SDK1: variants seen among roughly 807,000 people sequenced by gnomAD.
SDK1 encodes sidekick cell adhesion molecule 1, also known as protein sidekick-1.
Under a neutral mutation model 245.5 loss-of-function variants are expected in SDK1, and 157 were observed. The observed-to-expected ratio is 0.64, with a 90% CI of 0.56 to 0.73. The LOEUF is 0.73. Among genes scored for constraint, SDK1 ranks in the 30% least tolerant of loss-of-function variants. The pLI is 0.00. For missense variants in SDK1, 3,583 were observed against 3,002.3 expected (o/e 1.19, Z -4.52); for synonymous variants, 1,647 against 1,278.5 (o/e 1.29, Z -6.15).
At chr7:3,359,518 CT>C (rs1780896174) in intron 1 of SDK1, among the ~76,000 whole-genome samples, 2 of 152,004 alleles carry the variant, frequency 1.3e-5, no homozygotes, top group African/African-American at 4.8e-5. Context: ...TTTTGATTGT[CT>C]ATTTTTGCTT....
chr7:3,661,742 T>C (rs1009319208), intron 4 of SDK1, among the ~76,000 whole-genome samples: 2 of 152,198 alleles, frequency 1.3e-5, no homozygotes, highest in Non-Finnish European at 2.9e-5. Context: ...GAATGTAAAC[T>C]CGGAAACCAG....
At chr7:3,799,264 T>G (rs1025630415) in intron 4 of SDK1, among the ~76,000 whole-genome samples, 2 of 152,186 alleles carry the variant, frequency 1.3e-5, no homozygotes, top group Admixed American at 1.3e-4. Flanking sequence ...CAACTGAATC[T>G]GGAAAGAAAT....
At chr7:3,821,400 G>A (rs372032373) in intron 4 of SDK1, 50 bp from the exon 5 acceptor site, 17 of 1,570,120 alleles carry the variant, frequency 1.1e-5, no homozygotes, top group Non-Finnish European at 1.5e-5. Context: ...CTTACAAGTA[G>A]GAAGTTCCCT....
intron 22 of SDK1, among the ~76,000 whole-genome samples, chr7:4,106,307 CT>C (rs773537615): frequency 0.14 from 19,971 of 142,134 alleles, 2,188 homozygotes; most frequent in African/African-American, 0.32. Context: ...TTTTTTCTTT[CT>C]TTTTTTTTTT....
chr7:3,802,666 CA>C (rs796485844), intron 4 of SDK1, among the ~76,000 whole-genome samples: 88 of 152,254 alleles, frequency 5.8e-4, no homozygotes, highest in African/African-American at 2.1e-3. Context: ...TCCATCTGTA[CA>C]GTTTTCTCAT....
chr7:3,728,096 G>A (rs1283365209), intron 4 of SDK1, among the ~76,000 whole-genome samples: 2 of 152,186 alleles, frequency 1.3e-5, no homozygotes, highest in Non-Finnish European at 2.9e-5. Context: ...TGAGTTTGAG[G>A]AGGAAGACAG....
rs111962799 is a variant in SDK1 at position 4,187,906 on chromosome 7, T to G, written c.5098+9320T>G. Among the ~76,000 whole-genome samples, 193 of 152,290 alleles carry G rather than the reference T, an allele frequency of 1.3e-3. 1 individual carries two copies. The highest frequency in any genetic ancestry group is 4.2e-3 in the African/African-American group (174 of 41,568). On this transcript the variant is annotated intron_variant, in intron 35 of 44. Coordinates refer to ENST00000404826, the MANE Select transcript of SDK1 (RefSeq NM_152744.4). ...TAAAGACATAGCCAAGACTGGGTAA[T>G]TTATAAAGAAAAAGAGGTTGAACGG...
chr7:4,267,540 C>G lies in SDK1; in HGVS notation c.*2156C>G, dbSNP rs1405587173. 1 of 985,362 alleles carries G rather than the reference C, an allele frequency of 1.0e-6. No individual in the cohort carries two copies. The highest frequency in any genetic ancestry group is 1.2e-6 in the Non-Finnish European group (1 of 829,978). 61.0% of individuals were successfully genotyped at this position (985,362 alleles called of 1,614,324 possible). ...TGGGCGGGAAGCCAGGATGTGAGCACTGGAATTTCTTGGAAGAGAAGCGAT... is the reference window on the plus strand; with the variant it reads ...TGGGCGGGAAGCCAGGATGTGAGCAGTGGAATTTCTTGGAAGAGAAGCGAT... On this transcript the variant is annotated 3_prime_UTR_variant, in exon 45 of 45. Coordinates refer to ENST00000404826, the MANE Select transcript of SDK1 (RefSeq NM_152744.4).
Position 3,509,075 on chromosome 7 carries a change from TGTGTGTGTGC to T in SDK1, c.299-109995_299-109986del, listed in dbSNP as rs199655309. On this transcript the variant is annotated intron_variant, in intron 1 of 44. Coordinates refer to ENST00000404826, the MANE Select transcript of SDK1 (RefSeq NM_152744.4). Reference sequence around the variant, plus strand: ...CAGCCTAAGGAAGGTGGGGTGTGTGTGTGTGTGTGCGTGTGTGTGTGTGTATGTATGTACA... The same window carrying T: ...CAGCCTAAGGAAGGTGGGGTGTGTGTGTGTGTGTGTGTGTATGTATGTACA... Among the ~76,000 whole-genome samples the T allele has an allele frequency of 1.2e-3, 172 of 143,374 alleles. 1 individual carries two copies. Among genetic ancestry groups the T allele is most frequent in the African/African-American group, 4.2e-3 (161 of 38,038 alleles). 94.1% of individuals were successfully genotyped at this position (143,374 alleles called of 152,430 possible).
Position 4,010,946 on chromosome 7 carries a change from CG to C in SDK1, c.2132-19del. 1 of 1,613,424 alleles carries C rather than the reference CG, an allele frequency of 6.2e-7. No homozygotes were observed. The highest frequency in any genetic ancestry group is 8.5e-7 in the Non-Finnish European group (1 of 1,179,460). On this transcript the variant is annotated intron_variant, in intron 14 of 44. Transcript: ENST00000404826. ...CATGATAAGCCTGTGGGCTTGAATT[CG>C]TTTTCTTCATTCTTTCAGACTCTCC...
At chr7:4,258,427 A>G (rs556560928) in intron 44 of SDK1, among the ~76,000 whole-genome samples, 1 of 152,216 alleles carries the variant, frequency 6.6e-6, no homozygotes, top group Admixed American at 6.5e-5. Flanking sequence ...AATTCGTAGC[A>G]TGCCCTCCCA....
intron 22 of SDK1, among the ~76,000 whole-genome samples, chr7:4,090,852 A>G (rs949676523): frequency 7.2e-5 from 11 of 151,992 alleles, no homozygotes; most frequent in African/African-American, 2.2e-4. Flanking sequence ...ATTTCACACT[A>G]TCACCTCCAA....
intron 4 of SDK1, among the ~76,000 whole-genome samples, chr7:3,700,882 A>T (rs984813072): frequency 1.4e-4 from 21 of 152,066 alleles, no homozygotes; most frequent in African/African-American, 5.1e-4. Context: ...TCCGTCAGCT[A>T]TTCCTTAAAG....
chr7:3,434,810 G>A (rs1779972129), intron 1 of SDK1, among the ~76,000 whole-genome samples: 1 of 152,090 alleles, frequency 6.6e-6, no homozygotes, highest in East Asian at 1.9e-4. Context: ...AATCATGGGG[G>A]GGGACAGAGC....
At chr7:4,159,135 C>G (rs1308507351) in intron 31 of SDK1, among the ~76,000 whole-genome samples, 6 of 152,228 alleles carry the variant, frequency 3.9e-5, no homozygotes, top group Non-Finnish European at 8.8e-5. Flanking sequence ...AGCTCCCAGG[C>G]TGGAAACCCA....
intron 1 of SDK1, among the ~76,000 whole-genome samples, chr7:3,490,730 G>T (rs975825991): frequency 3.9e-5 from 6 of 152,200 alleles, no homozygotes; most frequent in Non-Finnish European, 8.8e-5. Flanking sequence ...CAGACTTGGA[G>T]GGGTCTGTGA....
intron 16 of SDK1, among the ~76,000 whole-genome samples, chr7:4,013,541 A>T (rs1052708903): frequency 6.6e-6 from 1 of 152,208 alleles, no homozygotes; most frequent in African/African-American, 2.4e-5. Flanking sequence ...GAAATTGGGA[A>T]ATGTTGCATC....
At chr7:3,935,393 T>C (rs900889933) in intron 5 of SDK1, among the ~76,000 whole-genome samples, 1 of 152,100 alleles carries the variant, frequency 6.6e-6, no homozygotes, top group Admixed American at 6.5e-5. Context: ...AAAATCAAAA[T>C]TGAAAACTCT....
intron 5 of SDK1, among the ~76,000 whole-genome samples, chr7:3,928,635 G>T (rs1779862004): frequency 6.6e-6 from 1 of 151,950 alleles, no homozygotes; most frequent in South Asian, 2.1e-4. Flanking sequence ...TTTTTTGGGG[G>T]GGGTGGGTGG....
Sources: allele counts gnomAD v4.1 joint callset (sites outside exome capture counted in the v4.1 genomes callset), GRCh38; gene constraint gnomAD v4.1.1; transcripts MANE v1.5; gene names NCBI Gene and HGNC (gene_info 2026-07-23, HGNC 2026-07-21).